The following TMEM65 variants were observed in gnomAD, a reference collection of about 807,000 sequenced individuals.
TMEM65 encodes transmembrane protein 65.
Under a neutral mutation model 25.4 loss-of-function variants are expected in TMEM65, and 22 were observed. The ratio of observed to expected loss-of-function variants is 0.86; its 90% confidence interval spans 0.62 to 1.23. The LOEUF (loss-of-function observed/expected upper bound fraction) is 1.23. TMEM65 is among the 50% of genes most tolerant of loss of function. The pLI is 0.00. For missense variants in TMEM65, 262 were observed against 308.2 expected (o/e 0.85, Z 1.12); for synonymous variants, 132 against 126.2 (o/e 1.05, Z -0.31).
intron 1 of TMEM65, among the ~76,000 whole-genome samples, chr8:124,370,359 T>C (rs1210818593): frequency 6.6e-6 from 1 of 152,224 alleles, no homozygotes; most frequent in Non-Finnish European, 1.5e-5. Context: ...GTCTTGTCAG[T>C]GCAGAAAGAT....
Position 124,327,353 on chromosome 8 carries a change from C to A in TMEM65, c.417+1G>T. 1 of 1,595,714 alleles carries A rather than the reference C, an allele frequency of 6.3e-7. No individual in the cohort carries two copies. Among genetic ancestry groups the A allele is most frequent in the African/African-American group, 1.3e-5 (1 of 74,198 alleles). ...TAGAAGCAGTGAGAGAAAGAACTTA[C>A]AGCAACAATCATAATTGCATTATCC... On this transcript the variant is annotated splice_donor_variant, in intron 3 of 6. Coordinates refer to ENST00000297632, the MANE Select transcript of TMEM65 (RefSeq NM_194291.3). LOFTEE classifies it high-confidence loss of function.
At chr8:124,315,912 T>C (rs1290792428) in intron 6 of TMEM65, among the ~76,000 whole-genome samples, 4 of 152,196 alleles carry the variant, frequency 2.6e-5, no homozygotes, top group Non-Finnish European at 5.9e-5. Context: ...CTCATTTGAA[T>C]ATATGCATAG....
At chr8:124,322,842 A>C (rs1392241077) in intron 4 of TMEM65, among the ~76,000 whole-genome samples, 3 of 152,060 alleles carry the variant, frequency 2.0e-5, no homozygotes, top group Non-Finnish European at 4.4e-5. Flanking sequence ...CTAAAAATAC[A>C]AAAATTAGCC....
intron 1 of TMEM65, among the ~76,000 whole-genome samples, chr8:124,347,413 A>G (rs1359130316): frequency 6.6e-6 from 1 of 152,148 alleles, no homozygotes; most frequent in African/African-American, 2.4e-5. Flanking sequence ...CTAACATTGT[A>G]ATGGAAATTG....
At chr8:124,358,432 G>A in intron 1 of TMEM65, among the ~76,000 whole-genome samples, 1 of 152,198 alleles carries the variant, frequency 6.6e-6, no homozygotes, top group East Asian at 1.9e-4. Context: ...AAGCAGGTAT[G>A]TAAACAGGTC....
At chr8:124,371,572 T>C (rs1815012048) in intron 1 of TMEM65, among the ~76,000 whole-genome samples, 1 of 152,208 alleles carries the variant, frequency 6.6e-6, no homozygotes, top group African/African-American at 2.4e-5. Flanking sequence ...ACTGGCATTT[T>C]AGGCCGAAGC....
chr8:124,334,696 G>A (rs916268429), intron 1 of TMEM65, among the ~76,000 whole-genome samples: 7 of 147,940 alleles, frequency 4.7e-5, no homozygotes, highest in African/African-American at 7.5e-5. Context: ...CCTAGGAGGT[G>A]GAGGTTGCAG....
At chr8:124,315,334 T>G (rs150992957) in intron 6 of TMEM65, among the ~76,000 whole-genome samples, 8,426 of 152,128 alleles carry the variant, frequency 0.055, 318 homozygotes, top group Non-Finnish European at 0.069. Context: ...TGTTTGTTTT[T>G]TTTTTGAGAC....
At chr8:124,355,684 A>G (rs1814769582) in intron 1 of TMEM65, among the ~76,000 whole-genome samples, 1 of 152,232 alleles carries the variant, frequency 6.6e-6, no homozygotes, top group Non-Finnish European at 1.5e-5. Context: ...GTCAAATTCA[A>G]TTCAAATTGA....
At position 124,363,317 on chromosome 8, in the gene TMEM65, G is replaced by A. The variant is rs141677082; in HGVS notation, c.304+8537C>T. Among the ~76,000 whole-genome samples, 291 of 152,298 alleles carry A rather than the reference G, an allele frequency of 1.9e-3. 8 individuals are homozygous for A. The highest frequency in any genetic ancestry group is 9.8e-4 in the Admixed American group (15 of 15,296). ...TGTTACTAATATATAGTCCAAAATT[G>A]TATAAGCCTCCTAAAATTCTGGTGT... is the stretch of plus-strand genomic sequence containing the variant. On this transcript the variant is annotated intron_variant, in intron 1 of 6. Transcript: ENST00000297632.
chr8:124,314,179 T>C, intron 6 of TMEM65, 118 bp from the exon 7 acceptor site: 1 of 728,754 alleles, frequency 1.4e-6, no homozygotes, highest in Non-Finnish European at 2.4e-6. Context: ...TCATATATAT[T>C]CCTCTTCAAT....
At chr8:124,350,031 T>C (rs758405000) in intron 1 of TMEM65, among the ~76,000 whole-genome samples, 3 of 152,092 alleles carry the variant, frequency 2.0e-5, no homozygotes, top group Admixed American at 6.6e-5. Context: ...AACTTCTACA[T>C]GCAAACTAAG....
At chr8:124,355,816 C>G (rs1042753774) in intron 1 of TMEM65, among the ~76,000 whole-genome samples, 1 of 152,200 alleles carries the variant, frequency 6.6e-6, no homozygotes, top group Admixed American at 6.5e-5. Context: ...CTTAGGATAG[C>G]TGCAACTGGA....
At chr8:124,336,733 AAAAT>A (rs1437689491) in intron 1 of TMEM65, among the ~76,000 whole-genome samples, 23 of 152,080 alleles carry the variant, frequency 1.5e-4, no homozygotes, top group Admixed American at 3.3e-4. Context: ...AGAAAGGTCT[AAAAT>A]AAATAAACTA....
At chr8:124,354,202 G>A (rs1345255810) in intron 1 of TMEM65, among the ~76,000 whole-genome samples, 2 of 152,150 alleles carry the variant, frequency 1.3e-5, no homozygotes, top group Non-Finnish European at 2.9e-5. Flanking sequence ...TGCAACTCAA[G>A]GGGAAGACTA....
At chr8:124,357,829 C>CTTTTTTTTTT (rs35830531) in intron 1 of TMEM65, among the ~76,000 whole-genome samples, 17 of 105,836 alleles carry the variant, frequency 1.6e-4, no homozygotes, top group East Asian at 5.9e-4. Flanking sequence ...ACTTTTTTAT[C>CTTTTTTTTTT]TTTTTTTTTT....
At chr8:124,322,869 G>A (rs965870366) in intron 4 of TMEM65, among the ~76,000 whole-genome samples, 3 of 152,042 alleles carry the variant, frequency 2.0e-5, no homozygotes, top group East Asian at 1.9e-4. Context: ...GATGGCAGGC[G>A]CCAGTAGTCC....
At chr8:124,360,069 AAGAC>A (rs1814839606) in intron 1 of TMEM65, among the ~76,000 whole-genome samples, 1 of 152,168 alleles carries the variant, frequency 6.6e-6, no homozygotes, top group South Asian at 2.1e-4. Context: ...ATAAGTCTTC[AAGAC>A]ATACCTTTCT....
chr8:124,351,017 C>T, intron 1 of TMEM65: 5 of 985,194 alleles, frequency 5.1e-6, no homozygotes, highest in Non-Finnish European at 6.0e-6. Context: ...TTGCAATCAA[C>T]ACTGTAAGAC....
Sources: allele counts gnomAD v4.1 joint callset (sites outside exome capture counted in the v4.1 genomes callset), GRCh38; gene constraint gnomAD v4.1.1; transcripts MANE v1.5; gene names NCBI Gene and HGNC (gene_info 2026-07-23, HGNC 2026-07-21).